CADPS: variants seen among roughly 807,000 people sequenced by gnomAD.
CADPS encodes the protein calcium dependent secretion activator.
CADPS carries 57 observed loss-of-function variants against 167.3 expected under a neutral mutation model. That is an observed-to-expected ratio of 0.34 (90% CI 0.28 to 0.42). The LOEUF (loss-of-function observed/expected upper bound fraction) is 0.42, where lower values mean the gene tolerates loss of function less well. CADPS is among the 20% of genes least tolerant of loss of function. CADPS has a pLI of 1.00. For synonymous variants in CADPS, 676 were observed against 635.3 expected (o/e 1.06, Z -0.96); for missense variants, 1,414 against 1,738.1 (o/e 0.81, Z 3.32).
At chr3:62,636,860 C>T (rs1459913689) in intron 6 of CADPS, among the ~76,000 whole-genome samples, 1 of 152,084 alleles carries the variant, frequency 6.6e-6, no homozygotes, top group Non-Finnish European at 1.5e-5. Context: ...CGAAGGCAGT[C>T]CACCCTCAGA....
At chr3:62,513,638 G>A (rs745383264) in intron 16 of CADPS, 2 of 1,571,312 alleles carry the variant, frequency 1.3e-6, no homozygotes, top group Non-Finnish European at 1.7e-6. Context: ...AGGTACTCAC[G>A]AATGGTTAAA....
At chr3:62,841,508 G>A (rs1229766141) in intron 1 of CADPS, among the ~76,000 whole-genome samples, 1 of 152,140 alleles carries the variant, frequency 6.6e-6, no homozygotes, top group Non-Finnish European at 1.5e-5. Context: ...TTGAGGCCAG[G>A]AGTTCAAGAC....
At chr3:62,428,972 A>C (rs575423344) in intron 28 of CADPS, among the ~76,000 whole-genome samples, 10 of 152,354 alleles carry the variant, frequency 6.6e-5, no homozygotes, top group African/African-American at 2.4e-4. Flanking sequence ...CAAAGACGAG[A>C]AACTTTGCTT....
At chr3:62,856,043 T>C (rs996309853) in intron 1 of CADPS, among the ~76,000 whole-genome samples, 3 of 152,162 alleles carry the variant, frequency 2.0e-5, no homozygotes, top group Admixed American at 2.0e-4. Flanking sequence ...AATATTTAAT[T>C]ATGGAATTTC....
At chr3:62,809,675 C>T (rs959119568) in intron 1 of CADPS, among the ~76,000 whole-genome samples, 26 of 152,128 alleles carry the variant, frequency 1.7e-4, no homozygotes, top group African/African-American at 6.0e-4. Flanking sequence ...GAACAGTCTT[C>T]TGTCTTATTC....
intron 3 of CADPS, among the ~76,000 whole-genome samples, chr3:62,739,494 A>G (rs559692936): frequency 4.6e-5 from 7 of 152,336 alleles, no homozygotes; most frequent in African/African-American, 9.6e-5. Flanking sequence ...CAATAGTAAA[A>G]TAAACACATC....
At chr3:62,456,013 TG>T (rs1377479851) in intron 26 of CADPS, among the ~76,000 whole-genome samples, 1 of 152,190 alleles carries the variant, frequency 6.6e-6, no homozygotes, top group Non-Finnish European at 1.5e-5. Context: ...CTCTCTTTTT[TG>T]TTTTCATTTT....
Position 62,874,673 on chromosome 3 carries a change from C to T in CADPS, c.357G>A (p.Leu119=). ...AGCGCATCACGAACACATACAGCTG[C>T]AGCCTCTTCTTCCTCTCCTCCTCCT... ...QKEEEERKKR[L]QLYVFVMRCI... The change falls in exon 1 of 30, where the codon CTG becomes CTA. Residue 119 remains leucine (L), a synonymous_variant. Transcript: ENST00000383710. The surrounding 1 kb of genome is among the most constrained non-coding windows in gnomAD (Gnocchi z 7.1). The T allele has an allele frequency of 1.3e-6, 2 of 1,556,326 alleles. No individual in the cohort carries two copies. The highest frequency in any genetic ancestry group is 1.9e-5 in the Admixed American group (1 of 51,534).
chr3:62,466,153 T>C (rs542158771), intron 25 of CADPS, among the ~76,000 whole-genome samples, 186 bp downstream of exon 25: 1 of 152,322 alleles, frequency 6.6e-6, no homozygotes, highest in South Asian at 2.1e-4. Context: ...ACTTCATCAA[T>C]TTATCTTCAC....
intron 26 of CADPS, among the ~76,000 whole-genome samples, chr3:62,460,541 C>A (rs2059215145): frequency 6.6e-6 from 1 of 152,052 alleles, no homozygotes. Flanking sequence ...GAATATTCAC[C>A]CCACTCTAGA....
chr3:62,859,211 A>G (rs2080288038), intron 1 of CADPS, among the ~76,000 whole-genome samples: 1 of 152,194 alleles, frequency 6.6e-6, no homozygotes, highest in Admixed American at 6.6e-5. Context: ...TTCTTACACT[A>G]TAATTTATTT....
intron 9 of CADPS, among the ~76,000 whole-genome samples, chr3:62,563,888 T>C (rs898356191): frequency 1.3e-5 from 2 of 152,248 alleles, no homozygotes; most frequent in African/African-American, 4.8e-5. Context: ...TTTTTATGGA[T>C]GAGTAGTATT....
At chr3:62,826,931 A>C (rs555232441) in intron 1 of CADPS, among the ~76,000 whole-genome samples, 2 of 152,232 alleles carry the variant, frequency 1.3e-5, no homozygotes, top group Admixed American at 1.3e-4. Context: ...CTGCCTTTTT[A>C]GCTTTTTTTC....
At chr3:62,636,207 G>A (rs2066271381) in intron 6 of CADPS, among the ~76,000 whole-genome samples, 1 of 152,222 alleles carries the variant, frequency 6.6e-6, no homozygotes, top group African/African-American at 2.4e-5. Flanking sequence ...TGTAAGTGAA[G>A]AAACTGAGGT....
intron 17 of CADPS, among the ~76,000 whole-genome samples, chr3:62,510,088 C>T (rs2067451583): frequency 6.6e-6 from 1 of 152,112 alleles, no homozygotes; most frequent in Non-Finnish European, 1.5e-5. Flanking sequence ...CTTTCTCTCC[C>T]CACCTACCCA....
At chr3:62,729,791 A>T (rs376939288) in intron 3 of CADPS, among the ~76,000 whole-genome samples, 11 of 151,830 alleles carry the variant, frequency 7.2e-5, no homozygotes, top group African/African-American at 2.7e-4. Context: ...CTACATCAAC[A>T]AGGAAGGGAG....
At chr3:62,828,590 A>T (rs1409119541) in intron 1 of CADPS, among the ~76,000 whole-genome samples, 1 of 152,206 alleles carries the variant, frequency 6.6e-6, no homozygotes, top group African/African-American at 2.4e-5. Flanking sequence ...TATCTTGCAC[A>T]TCAGAACATT....
intron 9 of CADPS, among the ~76,000 whole-genome samples, chr3:62,566,927 G>T (rs2080331624): frequency 6.6e-6 from 1 of 152,128 alleles, no homozygotes; most frequent in South Asian, 2.1e-4. Flanking sequence ...TGCCTTTCTA[G>T]GAAAGATACT....
intron 6 of CADPS, among the ~76,000 whole-genome samples, chr3:62,618,149 T>G (rs968352077): frequency 5.3e-5 from 8 of 152,030 alleles, no homozygotes; most frequent in African/African-American, 1.9e-4. Context: ...TTGGAGTTAC[T>G]CCACTGCAGA....
Sources: gnomAD v4.1 joint callset for allele counts (sites outside exome capture counted in the v4.1 genomes callset) on GRCh38, gnomAD v4.1.1 for gene constraint, Gnocchi (gnomAD v3.1) non-coding constraint, MANE v1.5 for transcripts, NCBI Gene and HGNC (gene_info 2026-07-23, HGNC 2026-07-21) for gene names.